NOC3L: variants seen among roughly 807,000 people sequenced by gnomAD.
NOC3L encodes nucleolar complex protein 3 homolog.
A neutral mutation model predicts 102.5 loss-of-function variants in NOC3L; 85 were observed. The ratio of observed to expected loss-of-function variants is 0.83; its 90% CI spans 0.70 to 0.99. NOC3L has a LOEUF of 0.99. Among genes scored for constraint, NOC3L ranks in the 50% least tolerant of loss-of-function variants. The pLI is 0.00. For missense variants in NOC3L, 878 were observed against 914.9 expected (o/e 0.96, Z 0.52); for synonymous variants, 303 against 309.4 (o/e 0.98, Z 0.22).
At chr10:94,334,756 C>T in intron 19 of NOC3L, 38 bp from the exon 20 acceptor site, 1 of 1,334,986 alleles carries the variant, frequency 7.5e-7, no homozygotes, top group African/African-American at 1.5e-5. Context: ...GATACCACCA[C>T]ATCTGTGTAA....
At chr10:94,344,665 A>T in intron 12 of NOC3L, 150 bp from the exon 13 acceptor site, 1 of 683,012 alleles carries the variant, frequency 1.5e-6, no homozygotes, top group Admixed American at 2.8e-5. Context: ...AACAGAATGA[A>T]GATATACACC....
chr10:94,348,607 T>G (rs11187900), intron 10 of NOC3L, among the ~76,000 whole-genome samples: 36,629 of 151,802 alleles, frequency 0.24, 4,462 homozygotes, highest in Middle Eastern at 0.41. Context: ...TAAAAAAAGT[T>G]TATATATATA....
chr10:94,322,710 G>A, the NOC3L span, among the ~76,000 whole-genome samples: 26 of 152,060 alleles, frequency 1.7e-4, no homozygotes, highest in South Asian at 1.2e-3. Context: ...GCTTGAACCC[G>A]GGAGGCAGAG....
intron 17 of NOC3L, among the ~76,000 whole-genome samples, 172 bp downstream of exon 17, chr10:94,339,567 T>C (rs1340569064): frequency 6.6e-6 from 1 of 152,168 alleles, no homozygotes; most frequent in Non-Finnish European, 1.5e-5. Context: ...TGTCAATAGG[T>C]ATAAAATGCT....
chr10:94,324,531 A>G, the NOC3L span: 1 of 1,614,188 alleles, frequency 6.2e-7, no homozygotes, highest in South Asian at 1.1e-5. Flanking sequence ...GGAAAGGTGC[A>G]GGAAAATTCA....
the NOC3L span, chr10:94,315,325 A>G: frequency 2.2e-6 from 1 of 445,996 alleles, no homozygotes; most frequent in Non-Finnish European, 4.5e-6. Flanking sequence ...GGGCCTGAGG[A>G]GAAGGGTGTT....
chr10:94,319,864 C>CTTTTTTTTTTTTTTTTTTTTTTTTTTTT, the NOC3L span, among the ~76,000 whole-genome samples: 3 of 92,916 alleles, frequency 3.2e-5, no homozygotes, highest in South Asian at 3.8e-4. Flanking sequence ...CAAAGGTGCT[C>CTTTTTTTTTTTTTTTTTTTTTTTTTTTT]TTTTTTTTTT....
At chr10:94,361,273 T>G (rs1001834591) in intron 2 of NOC3L, 2 of 171,238 alleles carry the variant, frequency 1.2e-5, no homozygotes, top group African/African-American at 4.8e-5. Flanking sequence ...GAAGTGTACC[T>G]TGGCAATACT....
chr10:94,357,767 G>C (rs924424227), intron 3 of NOC3L: 17 of 297,244 alleles, frequency 5.7e-5, no homozygotes, highest in Non-Finnish European at 8.6e-5. Flanking sequence ...AGACCTACCA[G>C]CAGGGTAATG....
intron 5 of NOC3L, among the ~76,000 whole-genome samples, chr10:94,355,604 G>A (rs895519737): frequency 6.6e-6 from 1 of 151,868 alleles, no homozygotes; most frequent in Non-Finnish European, 1.5e-5. Flanking sequence ...GCCCAGACTG[G>A]TCTCAAACTC....
At chr10:94,317,088 T>C in the NOC3L span, among the ~76,000 whole-genome samples, 1 of 152,038 alleles carries the variant, frequency 6.6e-6, no homozygotes, top group Non-Finnish European at 1.5e-5. Context: ...CCATCTCTAC[T>C]AAAAATACAA....
chr10:94,327,855 C>T, the NOC3L span: 1 of 359,258 alleles, frequency 2.8e-6, no homozygotes, highest in Non-Finnish European at 5.9e-6. Flanking sequence ...GTCTCTTCCC[C>T]AAACCTAGCC....
Position 94,333,907 on chromosome 10 carries a change from G to A in NOC3L, c.*270C>T. 1 of 232,528 alleles carries A rather than the reference G, an allele frequency of 4.3e-6. No homozygotes were observed. Among genetic ancestry groups the A allele is most frequent in the Admixed American group, 5.6e-5 (1 of 17,922 alleles). The allele number at this position is 232,528 out of a possible 1,614,324, so 14.4% of individuals were successfully genotyped here. A position where few individuals can be genotyped will look rare whatever the true frequency, so the allele number is the denominator to read the frequency against. On this transcript the variant is annotated 3_prime_UTR_variant, in exon 21 of 21. Coordinates refer to ENST00000371361, the MANE Select transcript of NOC3L (RefSeq NM_022451.11). ...AAAGATTTTTTTAAAAAACTATAAT[G>A]TACGTGAAGCTTTTAAAAGGCAGCA...
At chr10:94,322,197 AG>A in the NOC3L span, 2 of 830,762 alleles carry the variant, frequency 2.4e-6, no homozygotes, top group Non-Finnish European at 4.0e-6. Flanking sequence ...GTGCCTCTTA[AG>A]GCTGGGAAAT....
At chr10:94,321,965 GTTTC>G in the NOC3L span, 1 of 1,613,930 alleles carries the variant, frequency 6.2e-7, no homozygotes, top group Non-Finnish European at 8.5e-7. Flanking sequence ...GAGGAGGAGA[GTTTC>G]TTTGTCCAAG....
chr10:94,340,485 A>G lies in NOC3L; in HGVS notation c.1656T>C (p.Tyr552=). The G allele has an allele frequency of 9.3e-7, 1 of 1,080,366 alleles. No individual in the cohort carries two copies. Among genetic ancestry groups the G allele is most frequent in the Non-Finnish European group, 1.3e-6 (1 of 761,040 alleles). The allele number at this position is 1,080,366 out of a possible 1,614,324, so 66.9% of individuals were successfully genotyped here. ...HTLIESGDLS[Y]QESLHCVQTA... is the part of the protein sequence containing the mutation. The stretch of plus-strand genomic sequence containing the variant: ...TCTGGACACAGTGAAGACTTTCTTG[A>G]TAGCTTAGGTCCTTTAAAAAAAAAA... Residue 552 remains tyrosine, a synonymous_variant, in exon 15 of 21, where the codon TAT becomes TAC. Transcript: ENST00000371361.
the NOC3L span, among the ~76,000 whole-genome samples, chr10:94,318,217 AAGACAG>A: frequency 6.6e-6 from 1 of 152,224 alleles, no homozygotes; most frequent in African/African-American, 2.4e-5. Context: ...ACTAATTGCT[AAGACAG>A]AGACCAGGCA....
At chr10:94,341,613 A>C (rs2054286246) in intron 14 of NOC3L, 60 bp downstream of exon 14, 7 of 909,522 alleles carry the variant, frequency 7.7e-6, no homozygotes, top group Non-Finnish European at 1.1e-5. Flanking sequence ...TAAACCTGAA[A>C]AATTTTTAAA....
intron 6 of NOC3L, among the ~76,000 whole-genome samples, chr10:94,354,729 TGAG>T (rs1283238933): frequency 2.6e-4 from 40 of 152,314 alleles, no homozygotes; most frequent in African/African-American, 9.1e-4. Flanking sequence ...TATATGAAGA[TGAG>T]GAGAATAAGA....
Sources: allele counts gnomAD v4.1 joint callset (sites outside exome capture counted in the v4.1 genomes callset), GRCh38; gene constraint gnomAD v4.1.1; transcripts MANE v1.5; gene names NCBI Gene and HGNC (gene_info 2026-07-23, HGNC 2026-07-21).